Variants in USP49 observed in about 807,000 individuals in gnomAD.
USP49 encodes ubiquitin specific peptidase 49, also known as ubiquitin carboxyl-terminal hydrolase 49.
A neutral mutation model predicts 58.6 loss-of-function variants in USP49; 24 were observed. That is an observed-to-expected ratio of 0.41 (90% CI 0.30 to 0.58). The LOEUF is 0.58. USP49 is among the 20% of genes least tolerant of loss of function. The pLI, the probability that USP49 is intolerant of heterozygous loss-of-function variation, is 0.30. For missense variants in USP49, 703 were observed against 866.1 expected, an observed-to-expected ratio of 0.81 and a Z score of 2.36; for synonymous variants, 408 against 365.1, an observed-to-expected ratio of 1.12 and a Z score of -1.34.
intron 1 of USP49, among the ~76,000 whole-genome samples, chr6:41,892,397 C>A (rs1774824567): frequency 6.6e-6 from 1 of 152,158 alleles, no homozygotes; most frequent in Admixed American, 6.5e-5. Context: ...GAAACAAGTG[C>A]CTCATATCAA....
chr6:41,810,279 G>A (rs1164457069), intron 3 of USP49, among the ~76,000 whole-genome samples: 11 of 151,070 alleles, frequency 7.3e-5, no homozygotes, highest in Non-Finnish European at 1.2e-4. Flanking sequence ...TCAGGAGTTC[G>A]AGACCAGCCT....
At chr6:41,855,451 G>A (rs1011132529) in intron 3 of USP49, among the ~76,000 whole-genome samples, 2 of 151,308 alleles carry the variant, frequency 1.3e-5, no homozygotes, top group Non-Finnish European at 2.9e-5. Flanking sequence ...GGAGGCAGAG[G>A]TTACAATGAG....
At chr6:41,807,199 A>T (rs1009602636) in intron 3 of USP49, among the ~76,000 whole-genome samples, 188 bp from the exon 4 acceptor site, 2 of 152,076 alleles carry the variant, frequency 1.3e-5, no homozygotes, top group African/African-American at 4.8e-5. Context: ...AAAGGCAGAG[A>T]GTTACAGGAC....
Position 41,805,992 on chromosome 6 carries a change from C to G in USP49, c.992G>C (p.Cys331Ser). The change falls in exon 4 of 8, where the codon TGC becomes TCC. Residue 331 changes from cysteine to serine, a missense_variant. This residue lies in a region of USP49 where 97 missense variants were observed against 88.0 expected (regional missense o/e 1.10). Coordinates refer to ENST00000682992, the MANE Select transcript of USP49 (RefSeq NM_001286554.2). ...ACTAATGGAGGCCCTGCCGTTCCAG[C>G]AGAAGCCCTCCCGCTCGCATGCCTC... is the stretch of plus-strand genomic sequence containing the variant. ...RAEACEREGF[C>S]WNGRASISRS... The G allele has an allele frequency of 6.2e-7, 1 of 1,613,916 alleles. No individual in the cohort carries two copies. The highest frequency in any genetic ancestry group is 1.3e-5 in the African/African-American group (1 of 75,038).
At chr6:41,856,823 TGTTATA>T (rs1479878819) in intron 3 of USP49, among the ~76,000 whole-genome samples, 40 of 152,220 alleles carry the variant, frequency 2.6e-4, no homozygotes, top group Non-Finnish European at 4.0e-4. Context: ...CACAGCATAT[TGTTATA>T]GTTGTTCTAT....
intron 3 of USP49, among the ~76,000 whole-genome samples, chr6:41,862,389 T>C (rs895295903): frequency 6.6e-6 from 1 of 152,208 alleles, no homozygotes; most frequent in Admixed American, 6.5e-5. Flanking sequence ...TATATACATA[T>C]ATTTTGTTTG....
At position 41,806,881 on chromosome 6, in the gene USP49, C is replaced by G; in HGVS notation, c.103G>C (p.Val35Leu). 6.2e-7 allele frequency: 1 copy of G among 1,614,080 alleles called. No homozygotes were observed. The highest frequency in any genetic ancestry group is 1.7e-5 in the Admixed American group (1 of 60,022). ...CCLECATTES[V>L]WACLKCSHVA... ...TGGGAGCACTTGAGGCAGGCCCACA[C>G]GGACTCGGTGGTGGCACACTCTAAG... The change falls in exon 4 of 8, where the codon GTG (valine) becomes CTG (leucine). Residue 35 changes from valine to leucine, a missense_variant. By Grantham distance (32) the Val-to-Leu change is conservative. This residue lies in a region of USP49 where 376 missense variants were observed against 373.5 expected (regional missense o/e 1.01). Transcript: ENST00000682992. The surrounding 1 kb of genome is among the most constrained non-coding windows in gnomAD (Gnocchi z 5.9).
At chr6:41,877,991 C>T (rs750107940) in intron 2 of USP49, among the ~76,000 whole-genome samples, 4 of 152,154 alleles carry the variant, frequency 2.6e-5, no homozygotes, top group African/African-American at 9.6e-5. Flanking sequence ...GAACTCCAGG[C>T]TCCAGGGCTC....
chr6:41,799,478 A>T (rs1018323296), intron 6 of USP49, among the ~76,000 whole-genome samples: 1 of 152,216 alleles, frequency 6.6e-6, no homozygotes, highest in Admixed American at 6.5e-5. Flanking sequence ...TTCAAGCAAC[A>T]GTCTTTTTGT....
chr6:41,890,977 T>G (rs1250368400), intron 2 of USP49, among the ~76,000 whole-genome samples: 1 of 152,226 alleles, frequency 6.6e-6, no homozygotes, highest in Non-Finnish European at 1.5e-5. Flanking sequence ...AATACAATTT[T>G]GGAATGAAAA....
chr6:41,839,796 T>C (rs1224979031), intron 3 of USP49, among the ~76,000 whole-genome samples: 3 of 132,252 alleles, frequency 2.3e-5, no homozygotes, highest in Non-Finnish European at 3.1e-5. Flanking sequence ...GCTGTGAGGA[T>C]GCAAAGACAT....
At chr6:41,883,063 G>A (rs1161520131) in intron 2 of USP49, among the ~76,000 whole-genome samples, 1 of 151,942 alleles carries the variant, frequency 6.6e-6, no homozygotes, top group African/African-American at 2.4e-5. Flanking sequence ...GAAAAATACA[G>A]GAAACAAAGG....
intron 3 of USP49, among the ~76,000 whole-genome samples, chr6:41,848,399 C>T (rs1018648303): frequency 4.6e-5 from 7 of 150,788 alleles, no homozygotes; most frequent in South Asian, 4.1e-4. Flanking sequence ...TAGGCTCGCA[C>T]GCTGTTACCC....
intron 3 of USP49, among the ~76,000 whole-genome samples, chr6:41,840,088 A>T (rs1427180186): frequency 6.6e-6 from 1 of 152,076 alleles, no homozygotes; most frequent in Non-Finnish European, 1.5e-5. Flanking sequence ...TTTAAAAAAA[A>T]AATAGGCCGG....
At position 41,806,688 on chromosome 6, in the gene USP49, A is replaced by C; in HGVS notation, c.296T>G (p.Leu99Arg). 6.2e-7 allele frequency: 1 copy of C among 1,614,208 alleles called. No homozygotes were observed. Among genetic ancestry groups the C allele is most frequent in the Non-Finnish European group, 8.5e-7 (1 of 1,180,044 alleles). ...EGDLKLLRSSLLAVRGQKQDT... is the reference protein window; with the variant it reads ...EGDLKLLRSSRLAVRGQKQDT... ...CTGTTTCTGGCCCCGGACCGCCAGG[A>C]GGGAGCTTCTTAGCAGCTTCAGGTC... The change falls in exon 4 of 8, where the codon CTC becomes CGC. Residue 99 changes from leucine to arginine, a missense_variant. By Grantham distance (102) the Leu-to-Arg change is moderately radical. Coordinates refer to ENST00000682992, the MANE Select transcript of USP49 (RefSeq NM_001286554.2). This position sits in a 1 kb window ranked among gnomAD's most constrained non-coding sequence, Gnocchi z 5.9.
intron 2 of USP49, among the ~76,000 whole-genome samples, chr6:41,882,554 A>G (rs1489015393): frequency 6.6e-6 from 1 of 152,174 alleles, no homozygotes; most frequent in Non-Finnish European, 1.5e-5. Flanking sequence ...AGAAGCAGTA[A>G]TAAGGCAAAT....
At chr6:41,885,966 C>A (rs560533786) in intron 2 of USP49, among the ~76,000 whole-genome samples, 11 of 152,228 alleles carry the variant, frequency 7.2e-5, no homozygotes, top group East Asian at 3.8e-4. Context: ...ACTTGAAATG[C>A]ATTGTTATAA....
intron 3 of USP49, among the ~76,000 whole-genome samples, chr6:41,832,086 T>C (rs976691847): frequency 2.6e-5 from 4 of 152,058 alleles, no homozygotes; most frequent in Admixed American, 1.3e-4. Flanking sequence ...CTAACCATAG[T>C]CCAAACTCCT....
chr6:41,874,539 C>T lies in USP49; in HGVS notation c.-102-2902G>A, dbSNP rs371977553. Among the ~76,000 whole-genome samples the T allele has an allele frequency of 1.4e-3, 206 of 152,280 alleles. 6 individuals are homozygous for T. In the South Asian group the frequency reaches 0.041, roughly 30 times the overall value. Reference sequence around the variant, plus strand: ...ATGCTGTTACATATATTAACAAATTCAATCCTCACAACAGCTGTGAGGTAG... The same window carrying T: ...ATGCTGTTACATATATTAACAAATTTAATCCTCACAACAGCTGTGAGGTAG... On this transcript the variant is annotated intron_variant, in intron 2 of 7. Coordinates refer to ENST00000682992, the MANE Select transcript of USP49 (RefSeq NM_001286554.2).
Sources: allele counts gnomAD v4.1 joint callset (sites outside exome capture counted in the v4.1 genomes callset), GRCh38; gene constraint gnomAD v4.1.1; regional missense constraint gnomAD v4.1.1; non-coding constraint Gnocchi (gnomAD v3.1); transcripts MANE v1.5; gene names NCBI Gene and HGNC (gene_info 2026-07-23, HGNC 2026-07-21).